TRAPPC9: variants seen among roughly 807,000 people sequenced by gnomAD.
TRAPPC9 encodes the protein trafficking protein particle complex subunit 9.
Under a neutral mutation model 124.0 loss-of-function variants are expected in TRAPPC9, and 83 were observed. That is an observed-to-expected ratio of 0.67 (90% CI 0.56 to 0.80). TRAPPC9 has a LOEUF of 0.80. Ranked by LOEUF, TRAPPC9 falls within the 30% of genes least tolerant of loss-of-function variation. The probability of loss-of-function intolerance (pLI) is 0.00; values close to 1 mark genes in which losing one functional copy is unlikely to be tolerated. For synonymous variants in TRAPPC9, 638 were observed against 617.5 expected (o/e 1.03, Z -0.49); for missense variants, 1,302 against 1,508.3 (o/e 0.86, Z 2.27).
chr8:139,871,592 T>C (rs973193903), intron 21 of TRAPPC9, among the ~76,000 whole-genome samples: 1 of 152,166 alleles, frequency 6.6e-6, no homozygotes, highest in African/African-American at 2.4e-5. Context: ...CCATGTCCCA[T>C]TCCCCCACAG....
chr8:139,735,958 G>A (rs1245738620), intron 21 of TRAPPC9, among the ~76,000 whole-genome samples: 3 of 152,252 alleles, frequency 2.0e-5, no homozygotes, highest in Non-Finnish European at 2.9e-5. Context: ...TGTGGGCAGA[G>A]CCACACCCTG....
chr8:140,067,215 C>T (rs1842934554), intron 17 of TRAPPC9, among the ~76,000 whole-genome samples: 1 of 152,218 alleles, frequency 6.6e-6, no homozygotes, highest in African/African-American at 2.4e-5. Flanking sequence ...GCAGTCTTGG[C>T]TCACTGCAAC....
intron 19 of TRAPPC9, among the ~76,000 whole-genome samples, chr8:139,910,809 C>T (rs1831676422): frequency 6.6e-6 from 1 of 152,120 alleles, no homozygotes; most frequent in Non-Finnish European, 1.5e-5. Flanking sequence ...TCATTTGGAA[C>T]GGTTGCATTT....
intron 17 of TRAPPC9, among the ~76,000 whole-genome samples, chr8:140,047,417 T>G (rs1207742327): frequency 6.6e-6 from 1 of 152,188 alleles, no homozygotes; most frequent in Non-Finnish European, 1.5e-5. Flanking sequence ...GAGGCCCCGC[T>G]GGCACCGGAG....
At chr8:140,153,582 T>A (rs984734786) in intron 17 of TRAPPC9, among the ~76,000 whole-genome samples, 1 of 152,162 alleles carries the variant, frequency 6.6e-6, no homozygotes, top group African/African-American at 2.4e-5. Flanking sequence ...TGTCTCTGCC[T>A]TATTGACCTT....
intron 15 of TRAPPC9, among the ~76,000 whole-genome samples, chr8:140,264,411 T>C (rs927748777): frequency 2.0e-5 from 3 of 152,326 alleles, no homozygotes; most frequent in East Asian, 1.9e-4. Context: ...GCAGGCCTTA[T>C]GCTGACTCTA....
intron 17 of TRAPPC9, chr8:140,098,746 C>G (rs1319728428): frequency 6.6e-6 from 1 of 151,446 alleles, no homozygotes; most frequent in Non-Finnish European, 1.5e-5. Context: ...TCTCAGTGCG[C>G]AGCTGCGGCA....
intron 17 of TRAPPC9, among the ~76,000 whole-genome samples, chr8:140,055,302 A>G (rs1023523101): frequency 2.8e-4 from 43 of 152,344 alleles, no homozygotes; most frequent in Middle Eastern, 6.8e-3. Context: ...GCAAAAGCCT[A>G]TGAGAAAATT....
intron 21 of TRAPPC9, among the ~76,000 whole-genome samples, chr8:139,806,613 C>T (rs996691210): frequency 4.6e-5 from 7 of 152,188 alleles, no homozygotes; most frequent in Admixed American, 3.3e-4. Context: ...CGGCAGTAGC[C>T]GAGCCTCCTG....
chr8:140,089,889 C>T (rs1844449793), intron 17 of TRAPPC9, among the ~76,000 whole-genome samples: 1 of 152,048 alleles, frequency 6.6e-6, no homozygotes, highest in African/African-American at 2.4e-5. Context: ...ACCATCCTGG[C>T]CAACACGGTA....
At chr8:140,213,468 T>C (rs775604254) in intron 17 of TRAPPC9, among the ~76,000 whole-genome samples, 7 of 152,250 alleles carry the variant, frequency 4.6e-5, no homozygotes, top group Non-Finnish European at 8.8e-5. Flanking sequence ...TCATTAACTG[T>C]TCTCCAAAAA....
intron 10 of TRAPPC9, among the ~76,000 whole-genome samples, chr8:140,309,735 G>GA (rs1479816556): frequency 6.6e-6 from 1 of 152,240 alleles, no homozygotes; most frequent in Admixed American, 6.5e-5. Context: ...CTTAGTCATA[G>GA]AAAAGCCTCA....
chr8:140,043,376 T>C (rs1841383736), intron 17 of TRAPPC9, among the ~76,000 whole-genome samples: 1 of 152,208 alleles, frequency 6.6e-6, no homozygotes, highest in Non-Finnish European at 1.5e-5. Flanking sequence ...AAGCCCATTA[T>C]TCCCATTCTC....
chr8:140,283,801 G>C, intron 14 of TRAPPC9, 88 bp downstream of exon 14: 1 of 1,404,606 alleles, frequency 7.1e-7, no homozygotes, highest in South Asian at 1.2e-5. Context: ...AGAATTACAG[G>C]CTCTTTGTGC....
chr8:140,271,955 A>G (rs2064899654), intron 15 of TRAPPC9, among the ~76,000 whole-genome samples: 1 of 151,246 alleles, frequency 6.6e-6, no homozygotes, highest in South Asian at 2.1e-4. Flanking sequence ...AGTGATGGTG[A>G]TGGTGCTTGT....
At chr8:140,157,910 ACT>A (rs574664748) in intron 17 of TRAPPC9, among the ~76,000 whole-genome samples, 293 of 152,272 alleles carry the variant, frequency 1.9e-3, no homozygotes, top group Middle Eastern at 6.8e-3. Flanking sequence ...TATCATTCAC[ACT>A]GTTTTATAAC....
rs1162586710 is a variant in TRAPPC9, at chr8:140,097,480, G to C, written c.2557-73401C>G. ...TGCGCAGCCTGTGTTGCCAGTCGCA[G>C]GGTAATACACTCGCCTGCATCGTGG... On this transcript the variant is annotated intron_variant, in intron 17 of 22. Coordinates refer to ENST00000438773, the MANE Select transcript of TRAPPC9 (RefSeq NM_001160372.4). This position sits in a 1 kb window ranked among gnomAD's most constrained non-coding sequence, Gnocchi z 4.2. The C allele has an allele frequency of 6.6e-6, 1 of 152,332 alleles. No individual in the cohort carries two copies. Among genetic ancestry groups the C allele is most frequent in the Non-Finnish European group, 1.5e-5 (1 of 68,132 alleles). The allele number at this position is 152,332 out of a possible 1,614,324, so 9.4% of individuals were successfully genotyped here.
intron 16 of TRAPPC9, among the ~76,000 whole-genome samples, chr8:140,231,423 G>C (rs1187547743): frequency 6.7e-6 from 1 of 148,264 alleles, no homozygotes; most frequent in Non-Finnish European, 1.5e-5. Context: ...GCAGTTTGTT[G>C]CTAGGCTTTC....
At chr8:140,399,383 C>T (rs1456171173) in intron 6 of TRAPPC9, among the ~76,000 whole-genome samples, 5 of 152,214 alleles carry the variant, frequency 3.3e-5, no homozygotes, top group African/African-American at 1.2e-4. Flanking sequence ...CACTCAATGC[C>T]AGCCCATGAA....
Sources: allele counts gnomAD v4.1 joint callset (sites outside exome capture counted in the v4.1 genomes callset), GRCh38; gene constraint gnomAD v4.1.1; non-coding constraint Gnocchi (gnomAD v3.1); transcripts MANE v1.5; gene names NCBI Gene and HGNC (gene_info 2026-07-23, HGNC 2026-07-21).